MKI67: variants seen among roughly 807,000 people sequenced by gnomAD.
The protein encoded by MKI67 is marker of proliferation Ki-67.
A neutral mutation model predicts 233.5 loss-of-function variants in MKI67; 152 were observed. That is an observed-to-expected ratio of 0.65 (90% CI 0.57 to 0.74). The LOEUF is 0.74. Among genes scored for constraint, MKI67 ranks in the 30% least tolerant of loss-of-function variants. The pLI, the probability that MKI67 is intolerant of heterozygous loss-of-function variation, is 0.00. For synonymous variants in MKI67, 1,465 were observed against 1,418.5 expected, an observed-to-expected ratio of 1.03 and a Z score of -0.74; for missense variants, 3,940 against 3,885.2, an observed-to-expected ratio of 1.01 and a Z score of -0.37.
Position 128,105,376 on chromosome 10 carries a change from T to G in MKI67, c.6464A>C (p.Lys2155Thr). The change falls in exon 13 of 15, where the codon AAA becomes ACA. Residue 2155 changes from lysine (K) to threonine (T), a missense_variant. By Grantham distance (78) the Lys-to-Thr change is moderately conservative. Transcript: ENST00000368654. The stretch of plus-strand genomic sequence containing the variant: ...AGTTTCCCTGAACACGTTGATGCCT[T>G]TATCCTCATCTCCTGGTACTTTGTC... ...HTDKVPGDED[K>T]GINVFRETAK... 3 of 1,614,174 alleles carry G rather than the reference T, an allele frequency of 1.9e-6. No individual in the cohort carries two copies. The highest frequency in any genetic ancestry group is 2.5e-6 in the Non-Finnish European group (3 of 1,180,020).
Position 128,111,689 on chromosome 10 carries a change from T to C in MKI67, c.2216A>G (p.Asn739Ser). ...GTCCATTTTTTGGTTGGAAATGAAG[T>C]TGTTGAGCACTCTGTAGGGTCGAGC... ...VPARPYRVLN[N>S]FISNQKMDFK... Residue 739 changes from asparagine to serine, a missense_variant, in exon 11 of 15, where the codon AAC becomes AGC. Transcript: ENST00000368654. The C allele has an allele frequency of 6.2e-7, 1 of 1,613,478 alleles. No individual in the cohort carries two copies. Among genetic ancestry groups the C allele is most frequent in the South Asian group, 1.1e-5 (1 of 90,794 alleles).
Position 128,111,904 on chromosome 10 carries a change from C to G in MKI67, c.2088+23G>C, listed in dbSNP as rs755317739. ...TTCGATGACACCGGTATGTGTAAAG[C>G]AGCCATTCAGTGAGGCCCCTACCTT... On this transcript the variant is annotated intron_variant, in intron 10 of 14. Coordinates refer to ENST00000368654, the MANE Select transcript of MKI67 (RefSeq NM_002417.5). The G allele has an allele frequency of 1.2e-4, 192 of 1,605,980 alleles. 2 individuals carry two copies. The South Asian group carries it at 1.8e-3, about 15-fold the overall frequency.
chr10:128,099,399 G>A, intron 14 of MKI67, 144 bp from the exon 15 acceptor site: 1 of 482,180 alleles, frequency 2.1e-6, no homozygotes, highest in Non-Finnish European at 3.6e-6. Flanking sequence ...TTGGAAATAA[G>A]TTTTAAAATA....
At chr10:128,123,433 A>T (rs1459494387) in intron 2 of MKI67, among the ~76,000 whole-genome samples, 2 of 152,260 alleles carry the variant, frequency 1.3e-5, no homozygotes, top group Non-Finnish European at 2.9e-5. Context: ...ATTACCTTTT[A>T]TATGAAAAGC....
intron 11 of MKI67, among the ~76,000 whole-genome samples, chr10:128,111,088 G>T (rs1453594140): frequency 6.6e-6 from 1 of 152,192 alleles, no homozygotes; most frequent in Admixed American, 6.5e-5. Flanking sequence ...AAAGTGTTGG[G>T]ATTACAGGCG....
Position 128,108,179 on chromosome 10 carries a change from G to C in MKI67, c.3661C>G (p.Leu1221Val), listed in dbSNP as rs145140418. 222 of 1,613,806 alleles carry C rather than the reference G, an allele frequency of 1.4e-4. 1 individual carries two copies. The African/African-American group carries it at 2.5e-3, about 18-fold the overall frequency. Residue 1221 changes from leucine to valine, a missense_variant, in exon 13 of 15, where the codon CTA (leucine) becomes GTA (valine). Coordinates refer to ENST00000368654, the MANE Select transcript of MKI67 (RefSeq NM_002417.5). ...LQTPKEKAQA[L>V]EDLAGFKELF... ...TCTTTAAAGCCAGCCAGGTCTTCTA[G>C]AGCCTGGGCCTTTTCCTTAGGAGTC...
In MKI67 at chr10:128,122,941, A is replaced by G. The variant is rs542359557; in HGVS notation, c.227T>C (p.Ile76Thr). ...TNPTQVNGSV[I>T]DEPVRLKHGD... ...ATGTTTTAGCCGTACAGGCTCATCA[A>G]TAACAGACCCATTTACTTGTGTTGG... is the stretch of plus-strand genomic sequence containing the variant. Residue 76 changes from isoleucine to threonine, a missense_variant, in exon 4 of 15, where the codon ATT (isoleucine) becomes ACT (threonine). Ile to Thr is a moderately conservative substitution (Grantham distance 89, BLOSUM62 -1). Transcript: ENST00000368654. 1,144 of 1,608,986 alleles carry G rather than the reference A, an allele frequency of 7.1e-4. 16 individuals carry two copies. In the South Asian group the frequency reaches 0.012, roughly 17 times the overall value.
chr10:128,108,065 C>G lies in MKI67; in HGVS notation c.3775G>C (p.Val1259Leu). The G allele has an allele frequency of 6.2e-7, 1 of 1,613,742 alleles. No homozygotes were observed. The highest frequency in any genetic ancestry group is 8.5e-7 in the Non-Finnish European group (1 of 1,179,996). Reference protein sequence around the residue: ...IPCDSPQSDPVDTPTSTKQRP... With the variant: ...IPCDSPQSDPLDTPTSTKQRP... ...TGCTTTGTGCTTGTTGGGGTGTCCA[C>G]TGGGTCTGACTGTGGAGAGTCGCAG... Residue 1259 changes from valine to leucine, a missense_variant, in exon 13 of 15, where the codon GTG (valine) becomes CTG (leucine). Physicochemically the swap from Val to Leu is conservative, Grantham distance 32 (BLOSUM62 1). Coordinates refer to ENST00000368654, the MANE Select transcript of MKI67 (RefSeq NM_002417.5).
chr10:128,111,933 AGT>A lies in MKI67; in HGVS notation c.2080_2081del (p.Thr694SerfsTer13). On this transcript the variant is annotated frameshift_variant, in exon 10 of 15. Coordinates refer to ENST00000368654, the MANE Select transcript of MKI67 (RefSeq NM_002417.5). LOFTEE classifies it high-confidence loss of function. ...SMNKRQRRPA[T>X]PKKPVGEVHS... ...CATTCAGTGAGGCCCCTACCTTTGGAGTAGCAGGTCTTCTTTGCCTTTTGTTC... is the reference window on the plus strand; with the variant it reads ...CATTCAGTGAGGCCCCTACCTTTGGAAGCAGGTCTTCTTTGCCTTTTGTTC... The A allele has an allele frequency of 1.2e-6, 2 of 1,610,582 alleles. No individual in the cohort carries two copies. Among genetic ancestry groups the A allele is most frequent in the Non-Finnish European group, 1.7e-6 (2 of 1,178,774 alleles).
Position 128,101,304 on chromosome 10 carries a change from T to C in MKI67, c.9659A>G (p.Gln3220Arg). ...AASTLESKSV[Q>R]RVTRSVKRCA... The stretch of plus-strand genomic sequence containing the variant: ...CCTCTTGACACTCCGCGTTACTCTC[T>C]GCACAGATTTGCTCTCCAAAGTGCT... The change falls in exon 14 of 15, where the codon CAG (glutamine) becomes CGG (arginine). Residue 3220 changes from glutamine (Q) to arginine (R), a missense_variant. Coordinates refer to ENST00000368654, the MANE Select transcript of MKI67 (RefSeq NM_002417.5). 1 of 1,614,272 alleles carries C rather than the reference T, an allele frequency of 6.2e-7. No individual in the cohort carries two copies.
chr10:128,118,707 A>G (rs761837048), intron 5 of MKI67, among the ~76,000 whole-genome samples: 7 of 152,236 alleles, frequency 4.6e-5, no homozygotes, highest in Non-Finnish European at 5.9e-5. Context: ...TTATGTTTTC[A>G]TAAGCTGTAC....
intron 5 of MKI67, 53 bp downstream of exon 5, chr10:128,119,200 A>G (rs1184893386): frequency 3.9e-6 from 5 of 1,280,246 alleles, no homozygotes; most frequent in Admixed American, 3.5e-5. Context: ...GCATACATAA[A>G]TGATTTCATA....
chr10:128,103,157 C>A lies in MKI67; in HGVS notation c.8683G>T (p.Ala2895Ser). Residue 2895 changes from alanine (A) to serine (S), a missense_variant, in exon 13 of 15, where the codon GCA becomes TCA. Coordinates refer to ENST00000368654, the MANE Select transcript of MKI67 (RefSeq NM_002417.5). ...CTCCTGCTGCCAATTACATCTTCTG[C>A]GTCCAGCTTCCGCTTTGCAGGTTGC... ...FKQPAKRKLD[A>S]EDVIGSRRQP... 1 of 1,613,840 alleles carries A rather than the reference C, an allele frequency of 6.2e-7. No individual in the cohort carries two copies. The highest frequency in any genetic ancestry group is 8.5e-7 in the Non-Finnish European group (1 of 1,179,964).
intron 12 of MKI67, 43 bp downstream of exon 12, chr10:128,110,335 C>A: frequency 6.8e-7 from 1 of 1,465,436 alleles, no homozygotes; most frequent in South Asian, 1.5e-5. Flanking sequence ...ACTGTATGTT[C>A]CTATCCCAAA....
In MKI67 at chr10:128,125,520, C is replaced by G; in HGVS notation, c.92+56G>C. 1 of 1,401,646 alleles carries G rather than the reference C, an allele frequency of 7.1e-7. No individual in the cohort carries two copies. The allele number at this position is 1,401,646 out of a possible 1,614,324, so 86.8% of individuals were successfully genotyped here. A position where few individuals can be genotyped will look rare whatever the true frequency, so the allele number is the denominator to read the frequency against. ...CGCGTTTCTGGACTTTATTCTGTGA[C>G]TAAGGTATTTTCCTCTTTCTCAGCT... On this transcript the variant is annotated intron_variant, in intron 2 of 14. Transcript: ENST00000368654. The surrounding 1 kb of genome is among the most constrained non-coding windows in gnomAD (Gnocchi z 5.3).
At position 128,106,016 on chromosome 10, in the gene MKI67, G is replaced by A; in HGVS notation, c.5824C>T (p.Gln1942Ter). 1 of 1,614,160 alleles carries A rather than the reference G, an allele frequency of 6.2e-7. No homozygotes were observed. Among genetic ancestry groups the A allele is most frequent in the Non-Finnish European group, 8.5e-7 (1 of 1,180,030 alleles). Residue 1942 changes from glutamine (Q) to a stop codon, truncating the protein, a stop_gained, in exon 13 of 15, where the codon CAA (glutamine) becomes TAA (stop). Coordinates refer to ENST00000368654, the MANE Select transcript of MKI67 (RefSeq NM_002417.5). LOFTEE classifies it high-confidence loss of function. Reference protein sequence around the residue: ...GNLPGSKRRPQTPKEKAKALE... With the variant: ...GNLPGSKRRP ...GCCTTGGCCTTTTCTTTAGGAGTTT[G>A]TGGCCGTCTCTTGCTGCCAGGTAAA...
chr10:128,110,536 G>A lies in MKI67; in HGVS notation c.2261-3C>T, dbSNP rs1852651888. On this transcript the variant is annotated splice_region_variant and splice_polypyrimidine_tract_variant and intron_variant, in intron 11 of 14. Transcript: ENST00000368654. ...GGTCTTGAACATTTCAGCTATTCCT[G>A]TTAAATGAAAATATTTGAAAAGTGA... 11 of 1,535,890 alleles carry A rather than the reference G, an allele frequency of 7.2e-6. No individual in the cohort carries two copies. The South Asian group carries it at 1.4e-4, about 19-fold the overall frequency.
At chr10:128,118,968 T>A (rs536210534) in intron 5 of MKI67, among the ~76,000 whole-genome samples, 3 of 152,334 alleles carry the variant, frequency 2.0e-5, no homozygotes, top group African/African-American at 7.2e-5. Flanking sequence ...GGGGTTATCC[T>A]AATCATGGGT....
rs1180448602 is a variant in MKI67 at position 128,103,352 on chromosome 10, C to G, written c.8488G>C (p.Glu2830Gln). The change falls in exon 13 of 15, where the codon GAA becomes CAA. Residue 2830 changes from glutamate (E) to glutamine (Q), a missense_variant. By Grantham distance (29) the Glu-to-Gln change is conservative. Transcript: ENST00000368654. The part of the protein sequence containing the change: ...TTKIPCKSSP[E>Q]LEDTATSSKR... ...GAGCTTGTTGCGGTGTCTTCTAGTT[C>G]TGGTGATGATTTGCAGGGTATTTTA... is the stretch of plus-strand genomic sequence containing the variant. 2 of 1,614,090 alleles carry G rather than the reference C, an allele frequency of 1.2e-6. No individual in the cohort carries two copies. Among genetic ancestry groups the G allele is most frequent in the African/African-American group, 2.7e-5 (2 of 75,006 alleles).
Sources: gnomAD v4.1 joint callset for allele counts (sites outside exome capture counted in the v4.1 genomes callset) on GRCh38, gnomAD v4.1.1 for gene constraint, Gnocchi (gnomAD v3.1) non-coding constraint, MANE v1.5 for transcripts, NCBI Gene and HGNC (gene_info 2026-07-23, HGNC 2026-07-21) for gene names.